The following SPTBN1 variants were observed in gnomAD, a reference collection of about 807,000 sequenced individuals.
The protein encoded by SPTBN1 is spectrin beta, non-erythrocytic 1, also known as spectrin beta chain, non-erythrocytic 1.
SPTBN1 carries 32 observed loss-of-function variants against 266.4 expected under a neutral mutation model. That is an observed-to-expected ratio of 0.12 (90% CI 0.09 to 0.16). The LOEUF (loss-of-function observed/expected upper bound fraction) is 0.16, where lower values mean the gene tolerates loss of function less well. SPTBN1 is among the 10% of genes least tolerant of loss of function. SPTBN1 has a pLI of 1.00. For missense variants in SPTBN1, 2,296 were observed against 3,067.1 expected (o/e 0.75, Z 5.94); for synonymous variants, 1,336 against 1,162.2 (o/e 1.15, Z -3.04).
chr2:54,526,605 T>C, intron 2 of SPTBN1, 39 bp downstream of exon 2: 1 of 1,589,456 alleles, frequency 6.3e-7, no homozygotes, highest in Non-Finnish European at 8.6e-7. Flanking sequence ...CCAGGATGCC[T>C]AAAATCAGGA....
intron 2 of SPTBN1, among the ~76,000 whole-genome samples, chr2:54,568,524 A>C (rs1386334019): frequency 6.6e-6 from 1 of 152,170 alleles, no homozygotes; most frequent in African/African-American, 2.4e-5. Flanking sequence ...TGAGTATAAT[A>C]GTTAATTAAA....
chr2:54,588,183 C>A (rs6706372), intron 2 of SPTBN1, among the ~76,000 whole-genome samples: 118,853 of 152,076 alleles, frequency 0.78, 47,110 homozygotes, highest in African/African-American at 0.9. Flanking sequence ...TATCATCAGC[C>A]TCCTCCCCTT....
chr2:54,659,684 G>A (rs1680907812), intron 31 of SPTBN1, among the ~76,000 whole-genome samples: 1 of 152,158 alleles, frequency 6.6e-6, no homozygotes, highest in Admixed American at 6.5e-5. Context: ...TTTTGCTATG[G>A]TAAGAGTTCC....
intron 2 of SPTBN1, among the ~76,000 whole-genome samples, chr2:54,550,534 C>T (rs951359144): frequency 2.0e-5 from 3 of 152,158 alleles, no homozygotes; most frequent in Non-Finnish European, 2.9e-5. Flanking sequence ...TAGAATGGCA[C>T]ATGTCAGCAG....
intron 1 of SPTBN1, among the ~76,000 whole-genome samples, chr2:54,518,322 G>A (rs1220612651): frequency 1.3e-5 from 2 of 151,936 alleles, no homozygotes; most frequent in African/African-American, 4.8e-5. Context: ...GGAGATGGGG[G>A]AGGGATAGCA....
chr2:54,479,897 G>A (rs1401643288), intron 1 of SPTBN1, among the ~76,000 whole-genome samples: 1 of 150,950 alleles, frequency 6.6e-6, no homozygotes, highest in Non-Finnish European at 1.5e-5. Flanking sequence ...GTCTCACTGT[G>A]TTGCCCAGGC....
intron 1 of SPTBN1, among the ~76,000 whole-genome samples, chr2:54,502,293 G>A (rs1039508776): frequency 6.6e-6 from 1 of 151,996 alleles, no homozygotes; most frequent in East Asian, 1.9e-4. Context: ...CCTGTCACAG[G>A]ACCTCAGGAA....
intron 1 of SPTBN1, among the ~76,000 whole-genome samples, chr2:54,487,830 G>GTTTTTTTTTTTTTTTTTTTT (rs1558770807): frequency 3.2e-3 from 19 of 5,928 alleles, no homozygotes; most frequent in East Asian, 0.013. Context: ...CTCCTCCTGT[G>GTTTTTTTTTTTTTTTTTTTT]TCTTTTTTTT....
chr2:54,633,955 G>A (rs964889871), intron 17 of SPTBN1, among the ~76,000 whole-genome samples: 4 of 152,024 alleles, frequency 2.6e-5, no homozygotes, highest in African/African-American at 4.8e-5. Context: ...TTATAATTTT[G>A]TATCTGTTGC....
chr2:54,473,075 T>G (rs1227107987), intron 1 of SPTBN1, among the ~76,000 whole-genome samples: 1 of 152,232 alleles, frequency 6.6e-6, no homozygotes, highest in Non-Finnish European at 1.5e-5. Flanking sequence ...TTTGTTTCTT[T>G]TGTTTCACTG....
At position 54,541,975 on chromosome 2, in the gene SPTBN1, A is replaced by G. The variant is rs534097609; in HGVS notation, c.148+15409A>G. Among the ~76,000 whole-genome samples the G allele has an allele frequency of 7.2e-4, 110 of 152,280 alleles. 1 individual carries two copies. Among genetic ancestry groups the G allele is most frequent in the African/African-American group, 2.5e-3 (104 of 41,546 alleles). On this transcript the variant is annotated intron_variant, in intron 2 of 35. Coordinates refer to ENST00000356805, the MANE Select transcript of SPTBN1 (RefSeq NM_003128.3). ...ATGCTAGCATTGATCTATTAATTCAATTTTATTACATGGTGTTGGAATATC... is the reference window on the plus strand; with the variant it reads ...ATGCTAGCATTGATCTATTAATTCAGTTTTATTACATGGTGTTGGAATATC...
chr2:54,509,569 C>G (rs1383195043), intron 1 of SPTBN1, among the ~76,000 whole-genome samples: 3 of 152,168 alleles, frequency 2.0e-5, no homozygotes, highest in Admixed American at 6.5e-5. Context: ...ATCCATTGTC[C>G]TTATCTTTAA....
chr2:54,580,308 A>G (rs1674802838), intron 2 of SPTBN1, among the ~76,000 whole-genome samples: 1 of 152,224 alleles, frequency 6.6e-6, no homozygotes, highest in Non-Finnish European at 1.5e-5. Context: ...TAAAGGTAGA[A>G]CTAACATATG....
At chr2:54,515,450 A>AT (rs1444758095) in intron 1 of SPTBN1, among the ~76,000 whole-genome samples, 1 of 151,876 alleles carries the variant, frequency 6.6e-6, no homozygotes, top group East Asian at 1.9e-4. Flanking sequence ...GGAGATGAGC[A>AT]TTTTTTTCTT....
At chr2:54,647,872 T>G (rs1680023333) in intron 24 of SPTBN1, among the ~76,000 whole-genome samples, 1 of 152,144 alleles carries the variant, frequency 6.6e-6, no homozygotes, top group Non-Finnish European at 1.5e-5. Flanking sequence ...GAAGTACAGG[T>G]TGACTTGCAT....
intron 30 of SPTBN1, 27 bp from the exon 31 acceptor site, chr2:54,659,127 A>G: frequency 1.9e-6 from 3 of 1,610,072 alleles, no homozygotes; most frequent in Non-Finnish European, 1.7e-6. Flanking sequence ...TTGGGACTCT[A>G]CCAAACATCA....
chr2:54,468,029 C>T (rs1379749990), intron 1 of SPTBN1, among the ~76,000 whole-genome samples: 1 of 152,090 alleles, frequency 6.6e-6, no homozygotes, highest in Non-Finnish European at 1.5e-5. Context: ...TGTTTCTCGG[C>T]CAGGTGCGGT....
At chr2:54,532,220 C>T (rs1453952487) in intron 2 of SPTBN1, among the ~76,000 whole-genome samples, 2 of 152,076 alleles carry the variant, frequency 1.3e-5, no homozygotes, top group African/African-American at 4.8e-5. Flanking sequence ...ACCTGGGAGG[C>T]GGAGGTTGCA....
intron 1 of SPTBN1, among the ~76,000 whole-genome samples, chr2:54,500,081 TCTA>T (rs773474094): frequency 1.3e-5 from 2 of 152,236 alleles, no homozygotes; most frequent in Non-Finnish European, 2.9e-5. Flanking sequence ...TGATCTGTAA[TCTA>T]CTAAAAGTGA....
Sources: gnomAD v4.1 joint callset for allele counts (sites outside exome capture counted in the v4.1 genomes callset) on GRCh38, gnomAD v4.1.1 for gene constraint, MANE v1.5 for transcripts, NCBI Gene and HGNC (gene_info 2026-07-23, HGNC 2026-07-21) for gene names.